The following ATP8B4 variants were observed in gnomAD, a reference collection of about 807,000 sequenced individuals.
ATP8B4 encodes ATPase phospholipid transporting 8B4 (putative), also known as probable phospholipid-transporting ATPase IM.
Under a neutral mutation model 145.6 loss-of-function variants are expected in ATP8B4, and 133 were observed. The observed-to-expected ratio is 0.91, with a 90% CI of 0.79 to 1.05. The LOEUF (loss-of-function observed/expected upper bound fraction) is 1.05, where lower values mean the gene tolerates loss of function less well. ATP8B4 is among the 50% of genes least tolerant of loss of function. The probability of loss-of-function intolerance (pLI) is 0.00; values close to 1 mark genes in which losing one functional copy is unlikely to be tolerated. For missense variants in ATP8B4, 1,458 were observed against 1,425.2 expected (o/e 1.02, Z -0.37); for synonymous variants, 507 against 492.9 (o/e 1.03, Z -0.38).
chr15:50,087,712 A>G (rs542314789), intron 2 of ATP8B4, among the ~76,000 whole-genome samples: 1 of 152,178 alleles, frequency 6.6e-6, no homozygotes, highest in East Asian at 1.9e-4. Context: ...AAGGTTGACC[A>G]TTCTAAATGT....
chr15:50,134,168 T>G (rs573189674), intron 1 of ATP8B4, among the ~76,000 whole-genome samples: 24 of 151,960 alleles, frequency 1.6e-4, no homozygotes, highest in African/African-American at 5.3e-4. Flanking sequence ...GTAAGAATGA[T>G]AGACTGTCAG....
At chr15:50,115,073 G>A (rs987115222) in intron 1 of ATP8B4, among the ~76,000 whole-genome samples, 1 of 152,214 alleles carries the variant, frequency 6.6e-6, no homozygotes, top group Admixed American at 6.5e-5. Flanking sequence ...GCTCACACCT[G>A]TAATCCCAAC....
At chr15:49,878,325 T>A (rs1213210397) in intron 24 of ATP8B4, among the ~76,000 whole-genome samples, 1 of 152,170 alleles carries the variant, frequency 6.6e-6, no homozygotes, top group East Asian at 1.9e-4. Context: ...CCAGAAAATA[T>A]GCCTTTCGCA....
chr15:49,939,772 T>C (rs748693271), intron 14 of ATP8B4, among the ~76,000 whole-genome samples: 6 of 152,034 alleles, frequency 3.9e-5, no homozygotes, highest in African/African-American at 1.4e-4. Context: ...CATTCCCTGA[T>C]AGAAAATATG....
intron 25 of ATP8B4, among the ~76,000 whole-genome samples, chr15:49,870,664 A>G (rs1024826400): frequency 4.6e-5 from 7 of 152,208 alleles, no homozygotes; most frequent in Non-Finnish European, 7.3e-5. Flanking sequence ...TTATTATTCT[A>G]TATATTAAAG....
chr15:49,976,773 C>G (rs8027073), intron 12 of ATP8B4, among the ~76,000 whole-genome samples: 112,787 of 152,064 alleles, frequency 0.74, 43,400 homozygotes, highest in East Asian at 1. Flanking sequence ...ATTCAGAAGA[C>G]TCACAGTGGA....
chr15:50,129,179 T>C (rs2153678733), intron 1 of ATP8B4, among the ~76,000 whole-genome samples: 1 of 152,270 alleles, frequency 6.6e-6, no homozygotes, highest in Non-Finnish European at 1.5e-5. Flanking sequence ...CTAAATGCAA[T>C]CTGTTTTTTT....
chr15:50,169,199 G>A (rs895764257), intron 1 of ATP8B4, among the ~76,000 whole-genome samples: 1 of 152,194 alleles, frequency 6.6e-6, no homozygotes, highest in African/African-American at 2.4e-5. Context: ...CCTGGAAAGT[G>A]CCACCTCCTG....
At chr15:49,994,834 C>G (rs2047300480) in intron 9 of ATP8B4, among the ~76,000 whole-genome samples, 1 of 152,110 alleles carries the variant, frequency 6.6e-6, no homozygotes, top group Admixed American at 6.6e-5. Context: ...AGTATTCATA[C>G]TTGTTATTTC....
chr15:49,954,752 G>A (rs1388663934), intron 14 of ATP8B4, among the ~76,000 whole-genome samples: 2 of 152,142 alleles, frequency 1.3e-5, no homozygotes, highest in Non-Finnish European at 2.9e-5. Context: ...AGCCACTGTG[G>A]AGAGCCATTT....
At chr15:50,119,842 C>A (rs2057248013), upstream of ATP8B4, among the ~76,000 whole-genome samples, 1 of 138,714 alleles carries the variant, frequency 7.2e-6, no homozygotes. Context: ...ATTTAGTAGG[C>A]AAAGCAATGA....
chr15:50,107,047 G>A (rs2153668311), intron 1 of ATP8B4, 39 bp from the exon 2 acceptor site: 1 of 1,340,268 alleles, frequency 7.5e-7, no homozygotes, highest in Non-Finnish European at 1.0e-6. Context: ...TCTGAAAAAT[G>A]CACAATAACT....
chr15:49,954,434 T>C (rs1207910115), intron 14 of ATP8B4, among the ~76,000 whole-genome samples: 3 of 152,084 alleles, frequency 2.0e-5, no homozygotes, highest in Non-Finnish European at 4.4e-5. Flanking sequence ...AAACTATGCA[T>C]TCAACAAAGA....
At chr15:49,989,126 G>A (rs2046857113) in intron 9 of ATP8B4, among the ~76,000 whole-genome samples, 1 of 152,140 alleles carries the variant, frequency 6.6e-6, no homozygotes, top group African/African-American at 2.4e-5. Flanking sequence ...AAGGGAAGGG[G>A]CTGAATTCTG....
chr15:49,917,067 T>A (rs769868869), intron 19 of ATP8B4, 28 bp from the exon 20 acceptor site: 15 of 1,600,110 alleles, frequency 9.4e-6, no homozygotes, highest in African/African-American at 4.0e-5. Context: ...CCAATTCAGT[T>A]AAAATGTTAC....
At chr15:50,143,853 G>T (rs1423694222) in intron 1 of ATP8B4, among the ~76,000 whole-genome samples, 8 of 152,174 alleles carry the variant, frequency 5.3e-5, no homozygotes, top group African/African-American at 1.9e-4. Flanking sequence ...GTGAGGGGGA[G>T]AAAACCCAGA....
chr15:50,024,811 T>A (rs2049881227), intron 6 of ATP8B4, among the ~76,000 whole-genome samples: 1 of 152,182 alleles, frequency 6.6e-6, no homozygotes, highest in South Asian at 2.1e-4. Flanking sequence ...AATCCTTCCC[T>A]TTCCTTAAGT....
At position 49,898,248 on chromosome 15, in the gene ATP8B4, G is replaced by T; in HGVS notation, c.2293C>A (p.His765Asn). Reference protein sequence around the residue: ...ALIINGHSLAHALESDVKNDL... With the variant: ...ALIINGHSLANALESDVKNDL... ...TTCTTGACATCACTTTCTAGGGCATGAGCCTGTATGATTAAAAATAAAATT... is the reference window on the plus strand; with the variant it reads ...TTCTTGACATCACTTTCTAGGGCATTAGCCTGTATGATTAAAAATAAAATT... Residue 765 changes from histidine to asparagine, a missense_variant, in exon 22 of 28, where the codon CAT becomes AAT. By Grantham distance (68) the His-to-Asn change is moderately conservative. Transcript: ENST00000284509. 6.2e-7 allele frequency: 1 copy of T among 1,609,108 alleles called. No individual in the cohort carries two copies. The highest frequency in any genetic ancestry group is 8.5e-7 in the Non-Finnish European group (1 of 1,176,706).
At chr15:50,029,749 G>A (rs1343022248) in intron 6 of ATP8B4, among the ~76,000 whole-genome samples, 1 of 152,214 alleles carries the variant, frequency 6.6e-6, no homozygotes, top group African/African-American at 2.4e-5. Flanking sequence ...AGATGAAGGA[G>A]AGGGAATCAT....
Sources: gnomAD v4.1 joint callset for allele counts (sites outside exome capture counted in the v4.1 genomes callset) on GRCh38, gnomAD v4.1.1 for gene constraint, MANE v1.5 for transcripts, NCBI Gene and HGNC (gene_info 2026-07-23, HGNC 2026-07-21) for gene names.